NRG3: variants seen among roughly 807,000 people sequenced by gnomAD.
NRG3 encodes the protein pro-neuregulin-3, membrane-bound isoform.
Under a neutral mutation model 66.9 loss-of-function variants are expected in NRG3, and 31 were observed. The observed-to-expected ratio is 0.46, with a 90% CI of 0.35 to 0.63. The LOEUF (loss-of-function observed/expected upper bound fraction) is 0.63, where lower values mean the gene tolerates loss of function less well. NRG3 is among the 20% of genes least tolerant of loss of function. The probability of loss-of-function intolerance (pLI) is 0.00; values close to 1 mark genes in which losing one functional copy is unlikely to be tolerated. For synonymous variants in NRG3, 393 were observed against 359.4 expected (o/e 1.09, Z -1.06); for missense variants, 910 against 878.9 (o/e 1.04, Z -0.45).
intron 2 of NRG3, among the ~76,000 whole-genome samples, chr10:82,468,269 C>G (rs543800007): frequency 2.0e-5 from 3 of 152,002 alleles, no homozygotes; most frequent in Non-Finnish European, 2.9e-5. Context: ...TGATGCTCCT[C>G]CCTTGCATGA....
At chr10:82,322,591 A>G (rs578017051) in intron 1 of NRG3, among the ~76,000 whole-genome samples, 18 of 152,216 alleles carry the variant, frequency 1.2e-4, no homozygotes, top group East Asian at 9.7e-4. Flanking sequence ...CTGATATTCA[A>G]TGGCACATAT....
intron 2 of NRG3, among the ~76,000 whole-genome samples, chr10:82,484,144 G>C (rs941490617): frequency 1.3e-5 from 2 of 152,218 alleles, no homozygotes; most frequent in Non-Finnish European, 1.5e-5. Context: ...TTCCCACCTG[G>C]ACTGACACTT....
chr10:82,715,885 C>T (rs962512509), intron 2 of NRG3, among the ~76,000 whole-genome samples: 1 of 152,124 alleles, frequency 6.6e-6, no homozygotes, highest in African/African-American at 2.4e-5. Context: ...AGACTACCAA[C>T]TTCTCCTTGT....
chr10:82,779,409 G>A (rs2060031759), intron 3 of NRG3, among the ~76,000 whole-genome samples: 1 of 152,106 alleles, frequency 6.6e-6, no homozygotes, highest in Non-Finnish European at 1.5e-5. Flanking sequence ...GTGATCCACA[G>A]GGGCTCTTCA....
In NRG3 at chr10:82,918,183, T is replaced by A. The variant is rs187186104; in HGVS notation, c.1055-33286T>A. Among the ~76,000 whole-genome samples, 274 of 152,072 alleles carry A rather than the reference T, an allele frequency of 1.8e-3. 3 individuals are homozygous for A. The highest frequency in any genetic ancestry group is 6.3e-3 in the African/African-American group (263 of 41,472). ...GGCTGAGCTATTTAACTTGGCAAGA[T>A]TACACACTCAAGAGCAGGTTTCATA... is the stretch of plus-strand genomic sequence containing the variant. On this transcript the variant is annotated intron_variant, in intron 4 of 8. Transcript: ENST00000372141.
At chr10:82,798,143 C>A (rs746070796) in intron 3 of NRG3, among the ~76,000 whole-genome samples, 3 of 151,896 alleles carry the variant, frequency 2.0e-5, no homozygotes, top group Admixed American at 2.0e-4. Flanking sequence ...CTCACAGTAC[C>A]TTGTACCCTG....
At chr10:82,418,546 A>C (rs2088800154) in intron 2 of NRG3, among the ~76,000 whole-genome samples, 2 of 152,124 alleles carry the variant, frequency 1.3e-5, no homozygotes, top group Non-Finnish European at 2.9e-5. Context: ...CCTTGGTGGA[A>C]GAAGTTATGA....
intron 2 of NRG3, among the ~76,000 whole-genome samples, chr10:82,360,798 T>G (rs2084083358): frequency 6.6e-6 from 1 of 152,102 alleles, no homozygotes; most frequent in Admixed American, 6.5e-5. Flanking sequence ...GTCAAGGAGA[T>G]GTACCTTATT....
intron 4 of NRG3, among the ~76,000 whole-genome samples, chr10:82,913,022 G>A (rs986812113): frequency 1.3e-5 from 2 of 152,198 alleles, no homozygotes; most frequent in Non-Finnish European, 2.9e-5. Flanking sequence ...TCAGGAGATC[G>A]AGACCATCCT....
chr10:82,613,762 G>C (rs1231146826), intron 2 of NRG3, among the ~76,000 whole-genome samples: 1 of 151,226 alleles, frequency 6.6e-6, no homozygotes, highest in African/African-American at 2.4e-5. Context: ...ATGTATACAT[G>C]TGCCACGCTG....
intron 2 of NRG3, among the ~76,000 whole-genome samples, chr10:82,489,073 A>T (rs2132227921): frequency 6.6e-6 from 1 of 152,288 alleles, no homozygotes; most frequent in South Asian, 2.1e-4. Context: ...CACACAGCCC[A>T]TATGAGACTA....
intron 2 of NRG3, among the ~76,000 whole-genome samples, chr10:82,437,470 T>TCA (rs2090201530): frequency 6.6e-6 from 1 of 152,058 alleles, no homozygotes; most frequent in Admixed American, 6.5e-5. Context: ...CTTCTTTGCA[T>TCA]TGTGTTAGAA....
intron 3 of NRG3, among the ~76,000 whole-genome samples, chr10:82,814,034 A>T (rs756355728): frequency 1.1e-4 from 17 of 152,196 alleles, no homozygotes; most frequent in Non-Finnish European, 2.4e-4. Flanking sequence ...ACTCCCAGGA[A>T]TGCTCTTCTT....
At chr10:82,868,534 T>C (rs1232465631) in intron 4 of NRG3, among the ~76,000 whole-genome samples, 1 of 152,082 alleles carries the variant, frequency 6.6e-6, no homozygotes, top group Non-Finnish European at 1.5e-5. Context: ...ATATAGATAA[T>C]GGCAGCTAAA....
At chr10:81,877,619 G>A in intron 1 of NRG3, 2 of 1,089,624 alleles carry the variant, frequency 1.8e-6, no homozygotes, top group Non-Finnish European at 2.3e-6. Flanking sequence ...TCCAGGAGAG[G>A]GAAAGGGGGA....
chr10:82,172,754 AGG>A (rs1275492811), intron 1 of NRG3, among the ~76,000 whole-genome samples: 2 of 152,114 alleles, frequency 1.3e-5, no homozygotes, highest in African/African-American at 4.8e-5. Flanking sequence ...TGAAACACAG[AGG>A]TCTGCGGGGC....
chr10:82,135,479 T>G (rs1451311320), intron 1 of NRG3, among the ~76,000 whole-genome samples: 1 of 152,142 alleles, frequency 6.6e-6, no homozygotes, highest in African/African-American at 2.4e-5. Context: ...CTCTTGGATA[T>G]GCCCCTTTGA....
rs191803572 is a variant in NRG3, at chr10:82,707,202, G to T, written c.954-31375G>T. Among the ~76,000 whole-genome samples the T allele has an allele frequency of 2.0e-5, 3 of 151,746 alleles. No homozygotes were observed. In the East Asian group the frequency reaches 5.8e-4, roughly 29 times the overall value. The stretch of plus-strand genomic sequence containing the variant: ...AGAGCTTTTTGAAAATTTCCCTTTT[G>T]TTGCATTCCTTCTCGAGGTAGCAAT... On this transcript the variant is annotated intron_variant, in intron 2 of 8. Coordinates refer to ENST00000372141, the MANE Select transcript of NRG3 (RefSeq NM_001010848.4).
At chr10:82,077,933 C>T (rs2065178661) in intron 1 of NRG3, among the ~76,000 whole-genome samples, 1 of 152,086 alleles carries the variant, frequency 6.6e-6, no homozygotes, top group African/African-American at 2.4e-5. Context: ...GGAGCAATTT[C>T]AGTTTCTTTA....
Sources: gnomAD v4.1 joint callset for allele counts (sites outside exome capture counted in the v4.1 genomes callset) on GRCh38, gnomAD v4.1.1 for gene constraint, MANE v1.5 for transcripts, NCBI Gene and HGNC (gene_info 2026-07-23, HGNC 2026-07-21) for gene names.